UBE2K: variants seen among roughly 807,000 people sequenced by gnomAD.
UBE2K encodes the protein ubiquitin conjugating enzyme E2 K.
A neutral mutation model predicts 30.0 loss-of-function variants in UBE2K; 6 were observed. The ratio of observed to expected loss-of-function variants is 0.20; its 90% CI spans 0.11 to 0.39. The LOEUF (loss-of-function observed/expected upper bound fraction) is 0.39, where lower values mean the gene tolerates loss of function less well. Among genes scored for constraint, UBE2K ranks in the 10% least tolerant of loss-of-function variants. The pLI is 1.00. For missense variants in UBE2K, 61 were observed against 241.6 expected (o/e 0.25, Z 4.96); for synonymous variants, 86 against 83.7 (o/e 1.03, Z -0.15).
chr4:39,709,950 T>G (rs1488215747), intron 1 of UBE2K: 3 of 152,082 alleles, frequency 2.0e-5, no homozygotes, highest in Non-Finnish European at 4.4e-5. Context: ...GCAAATCCCT[T>G]TTTCAGTGGG....
chr4:39,722,183 G>C (rs191752651), intron 1 of UBE2K, among the ~76,000 whole-genome samples: 29 of 152,202 alleles, frequency 1.9e-4, no homozygotes, highest in African/African-American at 6.7e-4. Flanking sequence ...GTATTCTTGG[G>C]TCTTTTACAA....
chr4:39,704,721 T>G (rs116348485), intron 1 of UBE2K, among the ~76,000 whole-genome samples: 2,713 of 152,076 alleles, frequency 0.018, 85 homozygotes, highest in African/African-American at 0.063. Context: ...ATGTAATTTT[T>G]TGTAGAGACG....
At chr4:39,743,603 C>CA (rs547385325) in intron 2 of UBE2K, among the ~76,000 whole-genome samples, 1,375 of 112,484 alleles carry the variant, frequency 0.012, 2 homozygotes, top group Admixed American at 0.015. Flanking sequence ...GACTCCGTCT[C>CA]AAAAAAAAAA....
chr4:39,739,205 A>AT (rs1351624293), intron 2 of UBE2K, among the ~76,000 whole-genome samples: 1 of 143,460 alleles, frequency 7.0e-6, no homozygotes, highest in Non-Finnish European at 1.5e-5. Flanking sequence ...TTTTTTTTGT[A>AT]TTTTTTTAGT....
At chr4:39,732,248 T>C (rs990234172) in intron 1 of UBE2K, among the ~76,000 whole-genome samples, 1 of 152,206 alleles carries the variant, frequency 6.6e-6, no homozygotes, top group African/African-American at 2.4e-5. Context: ...GAGTACAAAG[T>C]AGTTAATTAA....
intron 3 of UBE2K, among the ~76,000 whole-genome samples, chr4:39,752,163 C>T (rs950479483): frequency 2.6e-5 from 4 of 152,026 alleles, no homozygotes; most frequent in East Asian, 3.9e-4. Context: ...GACGGAGTCT[C>T]GCTCTGTCCC....
chr4:39,767,889 C>G (rs2109397884), intron 4 of UBE2K, among the ~76,000 whole-genome samples: 1 of 152,116 alleles, frequency 6.6e-6, no homozygotes, highest in South Asian at 2.1e-4. Context: ...GATTTTGTTT[C>G]AGGTGACACC....
At chr4:39,736,211 C>G (rs556387338) in intron 1 of UBE2K, among the ~76,000 whole-genome samples, 2 of 152,184 alleles carry the variant, frequency 1.3e-5, no homozygotes, top group South Asian at 4.1e-4. Flanking sequence ...GTCTATAATC[C>G]CAGCACTTTG....
intron 1 of UBE2K, among the ~76,000 whole-genome samples, chr4:39,718,598 G>A (rs147823891): frequency 2.0e-5 from 3 of 152,240 alleles, no homozygotes; most frequent in Non-Finnish European, 2.9e-5. Flanking sequence ...CCCACGGCAG[G>A]GGGGCAGGAC....
At position 39,729,115 on chromosome 4, in the gene UBE2K, C is replaced by T. The variant is rs28637149; in HGVS notation, c.64-8305C>T. ...TCCAGAGTAGCTGGGATTACAGGCA[C>T]GCACCACCATGCCCCCAGCTAATTT... On this transcript the variant is annotated intron_variant, in intron 1 of 6. Coordinates refer to ENST00000261427, the MANE Select transcript of UBE2K (RefSeq NM_005339.5). 5.9e-3 allele frequency among the ~76,000 whole-genome samples: 900 copies of T among 151,914 alleles called. 7 individuals are homozygous for T. The highest frequency in any genetic ancestry group is 0.021 in the African/African-American group (851 of 41,430).
At chr4:39,774,537 C>CG (rs1161848113) in intron 4 of UBE2K, among the ~76,000 whole-genome samples, 3 of 151,362 alleles carry the variant, frequency 2.0e-5, no homozygotes, top group Non-Finnish European at 4.4e-5. Flanking sequence ...GGCGTGAACC[C>CG]GGGAGGCGGA....
rs374355649 is a variant in UBE2K at position 39,765,950 on chromosome 4, CAT to C, written c.300-8882_300-8881del. On this transcript the variant is annotated intron_variant, in intron 4 of 6. Transcript: ENST00000261427. ...ATACATACATACATACACACACACA[CAT>C]ACACATACACATACACAAAAGCCAA... is the stretch of plus-strand genomic sequence containing the variant. 3.0e-4 allele frequency among the ~76,000 whole-genome samples: 38 copies of C among 126,494 alleles called. 1 individual carries two copies. The highest frequency in any genetic ancestry group is 9.9e-4 in the African/African-American group (33 of 33,464). The allele number at this position is 126,494 out of a possible 152,430, so 83.0% of individuals were successfully genotyped here.
chr4:39,750,854 T>C (rs557528027), intron 3 of UBE2K, among the ~76,000 whole-genome samples: 67 of 151,848 alleles, frequency 4.4e-4, no homozygotes, highest in Admixed American at 3.9e-3. Flanking sequence ...CAAGCGATCC[T>C]CTCACCTCAG....
chr4:39,700,349 GCAAA>G (rs1717938722), intron 1 of UBE2K, among the ~76,000 whole-genome samples: 1 of 152,126 alleles, frequency 6.6e-6, no homozygotes, highest in Non-Finnish European at 1.5e-5. Flanking sequence ...AACAGGAAAT[GCAAA>G]CAGACAGGTT....
intron 6 of UBE2K, among the ~76,000 whole-genome samples, 179 bp from the exon 7 acceptor site, chr4:39,778,181 A>AT (rs1323084049): frequency 4.0e-5 from 6 of 148,806 alleles, no homozygotes; most frequent in East Asian, 2.0e-4. Context: ...AAAGTCAGTG[A>AT]TTTTTTTATT....
At chr4:39,719,289 A>G (rs1251187637) in intron 1 of UBE2K, among the ~76,000 whole-genome samples, 1 of 152,170 alleles carries the variant, frequency 6.6e-6, no homozygotes, top group Non-Finnish European at 1.5e-5. Context: ...TCTTGAAGCC[A>G]AAGTTTCCTT....
At chr4:39,726,138 A>T (rs1325805648) in intron 1 of UBE2K, among the ~76,000 whole-genome samples, 1 of 151,864 alleles carries the variant, frequency 6.6e-6, no homozygotes, top group Non-Finnish European at 1.5e-5. Flanking sequence ...TGGCTTGTAG[A>T]TGCATCACCC....
At chr4:39,774,784 T>C (rs969365348) in intron 4 of UBE2K, 50 bp from the exon 5 acceptor site, 1 of 1,189,034 alleles carries the variant, frequency 8.4e-7, no homozygotes, top group Non-Finnish European at 1.1e-6. Context: ...TACTTTGCTT[T>C]TGCCTGCAGA....
intron 1 of UBE2K, among the ~76,000 whole-genome samples, chr4:39,710,395 C>CA (rs1285101343): frequency 6.6e-6 from 1 of 151,986 alleles, no homozygotes. Flanking sequence ...CCTCCTGCCT[C>CA]AGCCTTCCTA....
Sources: allele counts gnomAD v4.1 joint callset (sites outside exome capture counted in the v4.1 genomes callset), GRCh38; gene constraint gnomAD v4.1.1; transcripts MANE v1.5; gene names NCBI Gene and HGNC (gene_info 2026-07-23, HGNC 2026-07-21).